ASPRV1: variants seen among roughly 807,000 people sequenced by gnomAD.
ASPRV1 encodes aspartic peptidase retroviral like 1.
In ASPRV1, 7 loss-of-function variants were observed where a neutral mutation model predicts 11.0. The ratio of observed to expected loss-of-function variants is 0.64; its 90% CI spans 0.36 to 1.20. The LOEUF (loss-of-function observed/expected upper bound fraction) is 1.20, where lower values mean the gene tolerates loss of function less well. ASPRV1 is among the 50% of genes most tolerant of loss of function. The probability of loss-of-function intolerance (pLI) is 0.02; values close to 1 mark genes in which losing one functional copy is unlikely to be tolerated. For synonymous variants in ASPRV1, 136 were observed against 138.4 expected, an observed-to-expected ratio of 0.98 and a Z score of 0.12; for missense variants, 299 against 320.0, an observed-to-expected ratio of 0.93 and a Z score of 0.50.
the ASPRV1 span, among the ~76,000 whole-genome samples, chr2:70,009,609 C>T: frequency 1.3e-5 from 2 of 152,196 alleles, no homozygotes; most frequent in African/African-American, 2.4e-5. Flanking sequence ...GGATTACAGG[C>T]GTGAGCCACC....
At chr2:69,935,485 G>A in the ASPRV1 span, 3 of 1,526,870 alleles carry the variant, frequency 2.0e-6, no homozygotes, top group Non-Finnish European at 2.7e-6. Context: ...TTGTTGGGAT[G>A]CTGCTTTATC....
chr2:69,985,808 TCAGA>T, the ASPRV1 span, among the ~76,000 whole-genome samples: 3 of 152,150 alleles, frequency 2.0e-5, no homozygotes, highest in East Asian at 1.9e-4. Context: ...GGTGAAGAGC[TCAGA>T]CAGACATGGA....
At chr2:70,018,185 TA>T in the ASPRV1 span, 1 of 150,788 alleles carries the variant, frequency 6.6e-6, no homozygotes, top group Admixed American at 6.6e-5. Flanking sequence ...AATAAATGAA[TA>T]AAAAATACTT....
chr2:70,023,969 G>A, the ASPRV1 span, among the ~76,000 whole-genome samples: 1 of 151,778 alleles, frequency 6.6e-6, no homozygotes, highest in East Asian at 1.9e-4. Flanking sequence ...AAAAGGCTGA[G>A]GCCAGGCACA....
chr2:69,942,512 C>T, the ASPRV1 span: 2 of 152,170 alleles, frequency 1.3e-5, no homozygotes, highest in African/African-American at 4.8e-5. Flanking sequence ...ATTCATAAGG[C>T]ACCCAATGTT....
At chr2:70,044,337 T>C in the ASPRV1 span, among the ~76,000 whole-genome samples, 1 of 152,198 alleles carries the variant, frequency 6.6e-6, no homozygotes, top group African/African-American at 2.4e-5. Flanking sequence ...GCTCTTTTTA[T>C]TCCATCACCT....
At chr2:69,963,965 G>A (rs752918447), upstream of ASPRV1, among the ~76,000 whole-genome samples, 13 of 152,202 alleles carry the variant, frequency 8.5e-5, no homozygotes, top group Non-Finnish European at 1.8e-4. Flanking sequence ...CAGGAATTTG[G>A]TGAGTCAATT....
At chr2:70,028,204 CT>C in the ASPRV1 span, among the ~76,000 whole-genome samples, 2 of 152,178 alleles carry the variant, frequency 1.3e-5, no homozygotes, top group Non-Finnish European at 2.9e-5. Context: ...TGTTGGCACT[CT>C]TTTCCACCCC....
At chr2:69,949,252 G>A in the ASPRV1 span, among the ~76,000 whole-genome samples, 1 of 146,036 alleles carries the variant, frequency 6.8e-6, no homozygotes, top group African/African-American at 2.6e-5. Context: ...GGGATGGATG[G>A]GCGAATGAAT....
chr2:69,965,539 G>T (rs1266967545), upstream of ASPRV1, among the ~76,000 whole-genome samples: 1 of 152,178 alleles, frequency 6.6e-6, no homozygotes, highest in African/African-American at 2.4e-5. Context: ...ATTCAAAGCG[G>T]GCAGGACACG....
chr2:69,947,964 G>A, the ASPRV1 span, among the ~76,000 whole-genome samples: 1 of 152,148 alleles, frequency 6.6e-6, no homozygotes, highest in Non-Finnish European at 1.5e-5. Flanking sequence ...CTCCTCAACT[G>A]GAGAAAGTTC....
upstream of ASPRV1, chr2:69,962,312 G>C (rs1678153130): frequency 6.1e-6 from 1 of 163,824 alleles, no homozygotes; most frequent in Non-Finnish European, 1.5e-5. Context: ...GCAGAGGGGT[G>C]GCCAAGCAAC....
At chr2:70,064,722 T>C in the ASPRV1 span, among the ~76,000 whole-genome samples, 1 of 152,256 alleles carries the variant, frequency 6.6e-6, no homozygotes, top group African/African-American at 2.4e-5. Flanking sequence ...AGAAAGTTGT[T>C]TTACTATTCA....
the ASPRV1 span, among the ~76,000 whole-genome samples, chr2:69,978,272 A>C: frequency 4.0e-3 from 613 of 152,266 alleles, 2 homozygotes; most frequent in African/African-American, 0.014. Context: ...CCAAGCCTCC[A>C]GGGGAGTCTC....
the ASPRV1 span, chr2:69,993,646 A>G: frequency 6.6e-6 from 1 of 152,230 alleles, no homozygotes; most frequent in African/African-American, 2.4e-5. Flanking sequence ...TTGAATTGCC[A>G]AAACACTATT....
At chr2:70,029,811 C>A in the ASPRV1 span, among the ~76,000 whole-genome samples, 7 of 152,062 alleles carry the variant, frequency 4.6e-5, no homozygotes, top group Non-Finnish European at 5.9e-5. Flanking sequence ...GGACCCCTCC[C>A]TAGAGGAGGC....
the ASPRV1 span, chr2:70,059,850 A>C: frequency 6.6e-6 from 1 of 152,210 alleles, no homozygotes; most frequent in Non-Finnish European, 1.5e-5. Flanking sequence ...CAGTAATGCG[A>C]GTGATGGTTG....
At chr2:70,064,689 G>A in the ASPRV1 span, among the ~76,000 whole-genome samples, 1 of 152,140 alleles carries the variant, frequency 6.6e-6, no homozygotes, top group Admixed American at 6.5e-5. Flanking sequence ...TGCTGGAGAG[G>A]CCAAAAGGGC....
chr2:69,994,025 G>A, the ASPRV1 span: 1 of 152,160 alleles, frequency 6.6e-6, no homozygotes, highest in Non-Finnish European at 1.5e-5. Flanking sequence ...TATTTCTGAG[G>A]GTCTTCTTTC....
Sources: gnomAD v4.1 joint callset for allele counts (sites outside exome capture counted in the v4.1 genomes callset) on GRCh38, gnomAD v4.1.1 for gene constraint, MANE v1.5 for transcripts, NCBI Gene and HGNC (gene_info 2026-07-23, HGNC 2026-07-21) for gene names.